MACROD2: variants seen among roughly 807,000 people sequenced by gnomAD.
MACROD2 encodes ADP-ribose glycohydrolase MACROD2.
A neutral mutation model predicts 70.4 loss-of-function variants in MACROD2; 36 were observed. That is an observed-to-expected ratio of 0.51 (90% CI 0.39 to 0.68). The LOEUF (loss-of-function observed/expected upper bound fraction) is 0.68. Ranked by LOEUF, MACROD2 falls within the 30% of genes least tolerant of loss-of-function variation. The pLI is 0.00. For missense variants in MACROD2, 496 were observed against 538.4 expected, an observed-to-expected ratio of 0.92 and a Z score of 0.78; for synonymous variants, 172 against 178.8, an observed-to-expected ratio of 0.96 and a Z score of 0.30.
intron 6 of MACROD2, among the ~76,000 whole-genome samples, chr20:15,373,209 G>A (rs143546568): frequency 5.3e-5 from 8 of 152,000 alleles, no homozygotes; most frequent in Admixed American, 1.3e-4. Flanking sequence ...AATGTACAAC[G>A]CTATTTCTGT....
In MACROD2 at chr20:14,913,065, G is replaced by A. The variant is rs556689232; in HGVS notation, c.418+228106G>A. On this transcript the variant is annotated intron_variant, in intron 5 of 17. Transcript: ENST00000684519. Reference sequence around the variant, plus strand: ...AAAATGAGGGTTGTGATAGCTGTGTGTGTGTGCACATGCGTGTATGTGTGT... The same window carrying A: ...AAAATGAGGGTTGTGATAGCTGTGTATGTGTGCACATGCGTGTATGTGTGT... 9.2e-5 allele frequency among the ~76,000 whole-genome samples: 14 copies of A among 152,280 alleles called. No individual in the cohort carries two copies. The South Asian group carries it at 2.7e-3, about 29-fold the overall frequency.
chr20:15,786,126 C>A (rs2051922070), intron 8 of MACROD2, among the ~76,000 whole-genome samples: 1 of 148,888 alleles, frequency 6.7e-6, no homozygotes, highest in Non-Finnish European at 1.5e-5. Flanking sequence ...AAATTAAAGA[C>A]TAAGGAGATG....
chr20:14,510,072 A>G (rs1050814395), intron 4 of MACROD2, among the ~76,000 whole-genome samples: 1 of 152,086 alleles, frequency 6.6e-6, no homozygotes, highest in Non-Finnish European at 1.5e-5. Flanking sequence ...TCTAACTTAA[A>G]AATTATTTAA....
At chr20:15,094,690 C>T (rs2075815881) in intron 5 of MACROD2, among the ~76,000 whole-genome samples, 1 of 152,076 alleles carries the variant, frequency 6.6e-6, no homozygotes, top group Admixed American at 6.6e-5. Context: ...TGAAAGCCTC[C>T]CATCCACGTT....
At chr20:15,335,111 A>C (rs1045826040) in intron 6 of MACROD2, among the ~76,000 whole-genome samples, 6 of 151,732 alleles carry the variant, frequency 4.0e-5, no homozygotes, top group Non-Finnish European at 7.3e-5. Context: ...AGTTTCAAGG[A>C]GCTAACTCAT....
chr20:15,773,592 T>G (rs1235069594), intron 8 of MACROD2, among the ~76,000 whole-genome samples: 2 of 152,156 alleles, frequency 1.3e-5, no homozygotes, highest in Admixed American at 1.3e-4. Flanking sequence ...CCAAGTATAT[T>G]ACTGTGATTT....
At chr20:15,196,986 T>C in intron 5 of MACROD2, 2 of 985,422 alleles carry the variant, frequency 2.0e-6, no homozygotes, top group Non-Finnish European at 2.4e-6. Context: ...AGCACATTTT[T>C]TGGAAACTCA....
intron 8 of MACROD2, among the ~76,000 whole-genome samples, chr20:15,518,985 A>T (rs1028298904): frequency 6.6e-6 from 1 of 152,124 alleles, no homozygotes; most frequent in African/African-American, 2.4e-5. Context: ...ACTATTTTCT[A>T]TGTGCCGGAC....
intron 2 of MACROD2, among the ~76,000 whole-genome samples, chr20:14,037,172 C>T (rs2053323547): frequency 6.6e-6 from 1 of 151,940 alleles, no homozygotes; most frequent in African/African-American, 2.4e-5. Context: ...TGTATAAGAG[C>T]CTTCTTTGTA....
At chr20:14,644,701 G>A (rs772457008) in intron 4 of MACROD2, among the ~76,000 whole-genome samples, 12 of 152,252 alleles carry the variant, frequency 7.9e-5, no homozygotes, top group Middle Eastern at 3.4e-3. Flanking sequence ...GGTGCTGATC[G>A]TAGTGTACAT....
At chr20:14,653,216 A>ATTT (rs542367949) in intron 4 of MACROD2, among the ~76,000 whole-genome samples, 29 of 121,766 alleles carry the variant, frequency 2.4e-4, no homozygotes, top group African/African-American at 7.6e-4. Context: ...ATGTACAGCA[A>ATTT]TTTTTTTTTT....
At chr20:14,049,183 A>AAC (rs4052967) in intron 2 of MACROD2, among the ~76,000 whole-genome samples, 84,212 of 146,130 alleles carry the variant, frequency 0.58, 25,542 homozygotes, top group Non-Finnish European at 0.64. Flanking sequence ...ATAAAAAAAA[A>AAC]AAAAAACAAA....
At chr20:14,797,215 C>G (rs529697834) in intron 5 of MACROD2, among the ~76,000 whole-genome samples, 1 of 152,076 alleles carries the variant, frequency 6.6e-6, no homozygotes, top group Non-Finnish European at 1.5e-5. Context: ...TAAATGGTCT[C>G]TATGTATTTC....
intron 5 of MACROD2, among the ~76,000 whole-genome samples, chr20:14,938,951 T>TC (rs1374565131): frequency 2.0e-5 from 3 of 147,544 alleles, no homozygotes; most frequent in Non-Finnish European, 4.5e-5. Context: ...TTTTTTTTTT[T>TC]TTTTTTTTTT....
intron 2 of MACROD2, among the ~76,000 whole-genome samples, chr20:14,078,427 A>T (rs531832772): frequency 4.1e-4 from 63 of 152,080 alleles, no homozygotes; most frequent in African/African-American, 1.4e-3. Flanking sequence ...TTTGTTTGAG[A>T]TGAAGTCTCG....
At chr20:14,800,584 T>A (rs1229697689) in intron 5 of MACROD2, among the ~76,000 whole-genome samples, 1 of 152,108 alleles carries the variant, frequency 6.6e-6, no homozygotes, top group African/African-American at 2.4e-5. Flanking sequence ...TTTTCTTATA[T>A]GTAAGCGTTC....
intron 8 of MACROD2, among the ~76,000 whole-genome samples, chr20:15,811,194 A>G (rs1299945518): frequency 1.3e-5 from 2 of 152,056 alleles, no homozygotes; most frequent in Non-Finnish European, 2.9e-5. Context: ...CTCATCTGAC[A>G]AAGGGCTAAT....
intron 5 of MACROD2, among the ~76,000 whole-genome samples, chr20:15,037,625 C>T (rs565374718): frequency 6.6e-6 from 1 of 151,672 alleles, no homozygotes; most frequent in African/African-American, 2.4e-5. Flanking sequence ...ACTTTGATTA[C>T]TTTCTCTCTC....
At chr20:14,314,026 A>G (rs150026726) in intron 3 of MACROD2, among the ~76,000 whole-genome samples, 92 of 152,296 alleles carry the variant, frequency 6.0e-4, no homozygotes, top group African/African-American at 2.0e-3. Flanking sequence ...TTATACACTG[A>G]TACATTTTAG....
Sources: allele counts gnomAD v4.1 joint callset (sites outside exome capture counted in the v4.1 genomes callset), GRCh38; gene constraint gnomAD v4.1.1; transcripts MANE v1.5; gene names NCBI Gene and HGNC (gene_info 2026-07-23, HGNC 2026-07-21).